Variants in KLHDC4 observed in about 807,000 individuals in gnomAD.
The protein encoded by KLHDC4 is kelch domain containing 4.
In KLHDC4, 90 loss-of-function variants were observed where a neutral mutation model predicts 62.4. The observed-to-expected ratio is 1.44, with a 90% CI of 1.22 to 1.72. The LOEUF is 1.72. KLHDC4 is among the 40% of genes most tolerant of loss of function. The pLI is 0.00. For missense variants in KLHDC4, 1,025 were observed against 699.7 expected, an observed-to-expected ratio of 1.47 and a Z score of -5.25; for synonymous variants, 386 against 284.4, an observed-to-expected ratio of 1.36 and a Z score of -3.59.
chr16:87,715,350 C>T (rs1020829936), intron 7 of KLHDC4, among the ~76,000 whole-genome samples: 1 of 152,200 alleles, frequency 6.6e-6, no homozygotes, highest in Non-Finnish European at 1.5e-5. Flanking sequence ...ACACCAATGT[C>T]CTCCCAGCAT....
At chr16:87,706,736 C>T (rs75680986), downstream of KLHDC4, among the ~76,000 whole-genome samples, 7 of 152,190 alleles carry the variant, frequency 4.6e-5, no homozygotes, top group African/African-American at 9.7e-5. Flanking sequence ...GAGCTCAGCA[C>T]GTGCCCTGCT....
chr16:87,714,526 G>C lies in KLHDC4; in HGVS notation c.807C>G (p.Phe269Leu), dbSNP rs2036543422. ...CTCTTCCGTCCTCTGGCTTCAGCAG[G>C]AACATGTCTGAGTGCCGTGTGCCCT... Reference protein sequence around the residue: ...VDKGTRHSDMFLLKPEDGRED... With the variant: ...VDKGTRHSDMLLLKPEDGRED... Residue 269 changes from phenylalanine to leucine, a missense_variant, in exon 8 of 12, where the codon TTC becomes TTG. Physicochemically the swap from Phe to Leu is conservative, Grantham distance 22. Coordinates refer to ENST00000270583, the MANE Select transcript of KLHDC4 (RefSeq NM_017566.4). 6.2e-7 allele frequency: 1 copy of C among 1,614,072 alleles called. No individual in the cohort carries two copies. Among genetic ancestry groups the C allele is most frequent in the South Asian group, 1.1e-5 (1 of 91,086 alleles).
intron 8 of KLHDC4, 85 bp from the exon 9 acceptor site, chr16:87,711,528 GCC>G: frequency 8.3e-7 from 1 of 1,204,436 alleles, no homozygotes; most frequent in Non-Finnish European, 1.1e-6. Context: ...GACCCCAGGT[GCC>G]CCCCAGAATG....
intron 5 of KLHDC4, among the ~76,000 whole-genome samples, chr16:87,735,254 C>A (rs975926683): frequency 6.7e-6 from 1 of 150,222 alleles, no homozygotes; most frequent in Non-Finnish European, 1.5e-5. Context: ...GAGCAGAGAT[C>A]GCACCACTGC....
At chr16:87,723,093 TC>T (rs1173052626) in intron 7 of KLHDC4, among the ~76,000 whole-genome samples, 1 of 152,030 alleles carries the variant, frequency 6.6e-6, no homozygotes, top group African/African-American at 2.4e-5. Context: ...AGGACGAGCT[TC>T]CCCCAGCCCC....
At chr16:87,751,470 T>G (rs888126795) in intron 4 of KLHDC4, among the ~76,000 whole-genome samples, 2 of 131,166 alleles carry the variant, frequency 1.5e-5, no homozygotes, top group Admixed American at 1.7e-4. Context: ...CAAGACTTCA[T>G]CTCAAAAAAA....
At position 87,757,027 on chromosome 16, in the gene KLHDC4, C is replaced by G. The variant is rs190770000; in HGVS notation, c.192-550G>C. Among the ~76,000 whole-genome samples the G allele has an allele frequency of 2.0e-3, 307 of 152,070 alleles. 1 individual carries two copies. The highest frequency in any genetic ancestry group is 6.9e-3 in the Admixed American group (106 of 15,282). ...ATGGGGTTTCACTGCATTGGCCAGG[C>G]TGGTCTCAAACTCCGGACCTCAAGT... On this transcript the variant is annotated intron_variant, in intron 2 of 11. Coordinates refer to ENST00000270583, the MANE Select transcript of KLHDC4 (RefSeq NM_017566.4).
chr16:87,753,905 G>A (rs553320173), intron 4 of KLHDC4, among the ~76,000 whole-genome samples: 18 of 151,258 alleles, frequency 1.2e-4, no homozygotes, highest in African/African-American at 2.7e-4. Context: ...CCCGGCAGGC[G>A]GAGGTTGTAG....
At chr16:87,753,657 T>C (rs139643456) in intron 4 of KLHDC4, among the ~76,000 whole-genome samples, 1,729 of 152,088 alleles carry the variant, frequency 0.011, 15 homozygotes, top group Middle Eastern at 0.02. Context: ...AAAAATTACC[T>C]AGGCGTGGTG....
At chr16:87,706,144 G>C (rs1156272455), downstream of KLHDC4, among the ~76,000 whole-genome samples, 3 of 147,192 alleles carry the variant, frequency 2.0e-5, no homozygotes, top group Non-Finnish European at 3.0e-5. Context: ...AGCCCTCGCG[G>C]GGGGGTCAGC....
intron 9 of KLHDC4, chr16:87,710,093 A>T (rs1300624542): frequency 1.2e-5 from 2 of 172,342 alleles, no homozygotes; most frequent in Non-Finnish European, 2.5e-5. Flanking sequence ...TTTCCCAAGC[A>T]AGACAGACGG....
At chr16:87,746,307 G>C (rs968651639) in intron 5 of KLHDC4, among the ~76,000 whole-genome samples, 8 of 151,824 alleles carry the variant, frequency 5.3e-5, no homozygotes, top group African/African-American at 1.2e-4. Flanking sequence ...AGGAGAAAGA[G>C]AGAGAGAGAA....
At position 87,752,345 on chromosome 16, in the gene KLHDC4, T is replaced by C. The variant is rs1390532294; in HGVS notation, c.369+2849A>G. On this transcript the variant is annotated intron_variant, in intron 4 of 11. Coordinates refer to ENST00000270583, the MANE Select transcript of KLHDC4 (RefSeq NM_017566.4). ...TCCACAGCACTGTTTTTTCTTTTTT[T>C]TTTTTTTTGGAGACAGAGTCTCGCT... 2.0e-5 allele frequency among the ~76,000 whole-genome samples: 3 copies of C among 149,868 alleles called. No homozygotes were observed. The East Asian group carries it at 5.8e-4, about 29-fold the overall frequency.
Position 87,760,151 on chromosome 16 carries a change from A to G in KLHDC4, c.191+1798T>C, listed in dbSNP as rs144776888. On this transcript the variant is annotated intron_variant, in intron 2 of 11. Coordinates refer to ENST00000270583, the MANE Select transcript of KLHDC4 (RefSeq NM_017566.4). ...GGAAGCATTTCCAGCTGACCCAGGGAACTGCCAACACCTTAAATTATATCC... is the reference window on the plus strand; with the variant it reads ...GGAAGCATTTCCAGCTGACCCAGGGGACTGCCAACACCTTAAATTATATCC... Among the ~76,000 whole-genome samples, 9 of 152,032 alleles carry G rather than the reference A, an allele frequency of 5.9e-5. No individual in the cohort carries two copies. In the East Asian group the frequency reaches 1.7e-3, roughly 29 times the overall value.
At position 87,709,518 on chromosome 16, in the gene KLHDC4, A is replaced by C. The variant is rs1482998275; in HGVS notation, c.1194T>G (p.Ile398Met). The stretch of plus-strand genomic sequence containing the variant: ...AGCCTGGCGCGGTGAGCACCTGCTT[A>C]ATGGTGACCACGGTGCCATCCTCGG... ...VVAEDGTVVT[I>M]KQVLTAPGSA... is the part of the protein sequence containing the mutation. Residue 398 changes from isoleucine (I) to methionine (M), a missense_variant, in exon 10 of 12, where the codon ATT (isoleucine) becomes ATG (methionine). Coordinates refer to ENST00000270583, the MANE Select transcript of KLHDC4 (RefSeq NM_017566.4). 1 of 1,612,242 alleles carries C rather than the reference A, an allele frequency of 6.2e-7. No individual in the cohort carries two copies. The highest frequency in any genetic ancestry group is 1.1e-5 in the South Asian group (1 of 91,072).
exon 1 of KLHDC4, chr16:87,701,546 G>C (rs956838921): frequency 1.0e-5 from 4 of 395,730 alleles, no homozygotes; most frequent in African/African-American, 6.1e-5. Context: ...GTGTGGGCGT[G>C]AGCTCACCCC....
chr16:87,735,684 C>A (rs1007749742), intron 5 of KLHDC4, among the ~76,000 whole-genome samples: 2 of 152,200 alleles, frequency 1.3e-5, no homozygotes, highest in African/African-American at 4.8e-5. Context: ...TATTTGAAAC[C>A]CCAACAGGCT....
chr16:87,752,746 G>A (rs148017693), intron 4 of KLHDC4, among the ~76,000 whole-genome samples: 4 of 152,100 alleles, frequency 2.6e-5, no homozygotes, highest in African/African-American at 7.2e-5. Context: ...TAAGAGCTTC[G>A]TATAGCCTAC....
intron 7 of KLHDC4, among the ~76,000 whole-genome samples, chr16:87,716,089 G>C (rs563061471): frequency 1.3e-5 from 2 of 152,152 alleles, no homozygotes; most frequent in Non-Finnish European, 2.9e-5. Flanking sequence ...TCTATGTCTC[G>C]TGGATACTGA....
Sources: allele counts gnomAD v4.1 joint callset (sites outside exome capture counted in the v4.1 genomes callset), GRCh38; gene constraint gnomAD v4.1.1; transcripts MANE v1.5; gene names NCBI Gene and HGNC (gene_info 2026-07-23, HGNC 2026-07-21).